Variants in KIAA0825 observed in about 807,000 individuals in gnomAD.
The protein encoded by KIAA0825 is KIAA0825.
KIAA0825 carries 119 observed loss-of-function variants against 147.6 expected under a neutral mutation model. The ratio of observed to expected loss-of-function variants is 0.81; its 90% CI spans 0.69 to 0.94. The LOEUF (loss-of-function observed/expected upper bound fraction) is 0.94, where lower values mean the gene tolerates loss of function less well. Among genes scored for constraint, KIAA0825 ranks in the 40% least tolerant of loss-of-function variants. The pLI is 0.00. For synonymous variants in KIAA0825, 470 were observed against 518.1 expected (o/e 0.91, Z 1.26); for missense variants, 1,381 against 1,472.7 (o/e 0.94, Z 1.02).
chr5:94,337,242 A>T (rs1781902366), intron 20 of KIAA0825, among the ~76,000 whole-genome samples: 1 of 152,218 alleles, frequency 6.6e-6, no homozygotes, highest in South Asian at 2.1e-4. Flanking sequence ...TGGTATATAA[A>T]TTATACCACA....
intron 2 of KIAA0825, among the ~76,000 whole-genome samples, chr5:94,567,179 G>T (rs1040955726): frequency 6.6e-6 from 1 of 151,980 alleles, no homozygotes; most frequent in African/African-American, 2.4e-5. Context: ...TTGTTCAATT[G>T]TCCCTTTGAT....
At chr5:94,564,642 G>A (rs1219965347) in intron 2 of KIAA0825, among the ~76,000 whole-genome samples, 1 of 150,972 alleles carries the variant, frequency 6.6e-6, no homozygotes, top group Admixed American at 6.6e-5. Flanking sequence ...GGCTTCAAGC[G>A]AACCTCTTGC....
At chr5:94,332,147 T>A (rs1368958271) in intron 20 of KIAA0825, among the ~76,000 whole-genome samples, 2 of 130,298 alleles carry the variant, frequency 1.5e-5, no homozygotes, top group Admixed American at 8.6e-5. Flanking sequence ...GGCGACAGAC[T>A]GAGACTCCAT....
chr5:94,429,686 A>C (rs1341098120), intron 14 of KIAA0825, among the ~76,000 whole-genome samples: 1 of 152,208 alleles, frequency 6.6e-6, no homozygotes, highest in Non-Finnish European at 1.5e-5. Flanking sequence ...CAGGGGCCAC[A>C]AAAGGTGGAG....
chr5:94,602,990 G>T (rs1320243849), intron 1 of KIAA0825, among the ~76,000 whole-genome samples: 1 of 151,974 alleles, frequency 6.6e-6, no homozygotes, highest in Non-Finnish European at 1.5e-5. Context: ...CATTGCGTCA[G>T]GCTAATTTTT....
At chr5:94,467,971 CA>C (rs907226129) in intron 10 of KIAA0825, among the ~76,000 whole-genome samples, 4 of 151,892 alleles carry the variant, frequency 2.6e-5, no homozygotes, top group East Asian at 3.8e-4. Flanking sequence ...TTTTGATACA[CA>C]AAAAAAGTAT....
intron 20 of KIAA0825, among the ~76,000 whole-genome samples, chr5:94,328,970 G>A (rs941690137): frequency 6.6e-6 from 1 of 151,858 alleles, no homozygotes; most frequent in African/African-American, 2.4e-5. Context: ...TGTTTTGTTA[G>A]GTGTGTCTTT....
intron 1 of KIAA0825, among the ~76,000 whole-genome samples, chr5:94,601,472 C>CA (rs1226791729): frequency 6.6e-6 from 1 of 152,056 alleles, no homozygotes; most frequent in Admixed American, 6.6e-5. Context: ...GCTGAAAACT[C>CA]AAAAAAAGCC....
intron 20 of KIAA0825, among the ~76,000 whole-genome samples, chr5:94,313,383 C>A (rs1371631196): frequency 6.6e-6 from 1 of 151,606 alleles, no homozygotes; most frequent in Non-Finnish European, 1.5e-5. Context: ...CCTGTACTGG[C>A]AAAATGCCAG....
At chr5:94,310,975 G>T (rs984441374) in intron 20 of KIAA0825, among the ~76,000 whole-genome samples, 1 of 151,618 alleles carries the variant, frequency 6.6e-6, no homozygotes, top group Non-Finnish European at 1.5e-5. Context: ...TATACCAAAA[G>T]TATCATGAAA....
chr5:94,321,970 T>C (rs568465724), intron 20 of KIAA0825, among the ~76,000 whole-genome samples: 2 of 152,102 alleles, frequency 1.3e-5, no homozygotes, highest in African/African-American at 4.8e-5. Flanking sequence ...GGCATCATAC[T>C]TTATAAACAT....
chr5:94,366,116 A>T (rs1745814578), intron 20 of KIAA0825, among the ~76,000 whole-genome samples: 1 of 152,100 alleles, frequency 6.6e-6, no homozygotes, highest in Non-Finnish European at 1.5e-5. Context: ...CTACCAAATT[A>T]TCCTTAAAAA....
chr5:94,521,997 G>A (rs539168099), intron 4 of KIAA0825, among the ~76,000 whole-genome samples: 4 of 151,688 alleles, frequency 2.6e-5, no homozygotes, highest in Non-Finnish European at 4.4e-5. Context: ...GCACTGCAAT[G>A]CCTAATGTTC....
At chr5:94,571,465 C>A (rs1016744899) in intron 2 of KIAA0825, among the ~76,000 whole-genome samples, 14 of 152,148 alleles carry the variant, frequency 9.2e-5, no homozygotes, top group African/African-American at 3.1e-4. Context: ...GCTATTGTTT[C>A]ACTTTTCACA....
chr5:94,154,337 A>G (rs1441010592), intron 20 of KIAA0825, among the ~76,000 whole-genome samples: 3 of 152,234 alleles, frequency 2.0e-5, no homozygotes, highest in African/African-American at 4.8e-5. Context: ...GAGTGAAATC[A>G]GCTCCACTTC....
At chr5:94,407,275 G>C (rs1215311160) in intron 15 of KIAA0825, among the ~76,000 whole-genome samples, 1 of 152,164 alleles carries the variant, frequency 6.6e-6, no homozygotes. Context: ...CGAAGGCAGA[G>C]TTGCAAACTG....
At chr5:94,182,527 T>G (rs897447925) in intron 20 of KIAA0825, among the ~76,000 whole-genome samples, 2 of 151,850 alleles carry the variant, frequency 1.3e-5, no homozygotes, top group Admixed American at 1.3e-4. Flanking sequence ...TCCAAAGTGG[T>G]AGGATTACAG....
chr5:94,154,682 C>T (rs1583685875), intron 20 of KIAA0825, among the ~76,000 whole-genome samples: 1 of 152,092 alleles, frequency 6.6e-6, no homozygotes, highest in East Asian at 1.9e-4. Context: ...TTCCAAAGAA[C>T]ATTTACTAAA....
rs1256871509 is a variant in KIAA0825 at position 94,440,030 on chromosome 5, G to A, written c.2449C>T (p.Leu817=). ...AGTAAAAGTCCATCATGATGCAGTA[G>A]GGTTTCCAGAAGCAAGTTCCAGTTA... ...RCNWNLLLET[L]LHHDGLLLRI... The change falls in exon 14 of 21, where the codon CTA becomes TTA. Residue 817 remains leucine, a synonymous_variant. Coordinates refer to ENST00000682413, the MANE Select transcript of KIAA0825 (RefSeq NM_001145678.3). 4 of 1,551,632 alleles carry A rather than the reference G, an allele frequency of 2.6e-6. No homozygotes were observed. Among genetic ancestry groups the A allele is most frequent in the Non-Finnish European group, 3.5e-6 (4 of 1,146,842 alleles).
Sources: allele counts gnomAD v4.1 joint callset (sites outside exome capture counted in the v4.1 genomes callset), GRCh38; gene constraint gnomAD v4.1.1; transcripts MANE v1.5; gene names NCBI Gene and HGNC (gene_info 2026-07-23, HGNC 2026-07-21).